TMEM44: variants seen among roughly 807,000 people sequenced by gnomAD.
The protein encoded by TMEM44 is transmembrane protein 44.
TMEM44 carries 43 observed loss-of-function variants against 47.8 expected under a neutral mutation model. The observed-to-expected ratio is 0.90, with a 90% CI of 0.70 to 1.16. The LOEUF is 1.16. Ranked by LOEUF, TMEM44 falls within the 50% of genes most tolerant of loss-of-function variation. TMEM44 has a pLI of 0.00. For missense variants in TMEM44, 568 were observed against 555.2 expected, an observed-to-expected ratio of 1.02 and a Z score of -0.23; for synonymous variants, 277 against 238.8, an observed-to-expected ratio of 1.16 and a Z score of -1.48.
At chr3:194,617,392 T>C (rs1017026569) in intron 5 of TMEM44, 123 bp from the exon 6 acceptor site, 3 of 1,135,278 alleles carry the variant, frequency 2.6e-6, no homozygotes, top group Admixed American at 6.0e-5. Flanking sequence ...AGGGCAATGC[T>C]TCTGTTAGAC....
Position 194,625,920 on chromosome 3 carries a change from C to G in TMEM44, c.335G>C (p.Gly112Ala). 3 of 1,613,760 alleles carry G rather than the reference C, an allele frequency of 1.9e-6. No individual in the cohort carries two copies. Among genetic ancestry groups the G allele is most frequent in the Non-Finnish European group, 2.5e-6 (3 of 1,179,734 alleles). The change falls in exon 3 of 10, where the codon GGA (glycine) becomes GCA (alanine). Residue 112 changes from glycine (G) to alanine (A), a missense_variant. Physicochemically the swap from Gly to Ala is moderately conservative, Grantham distance 60 (BLOSUM62 0). Transcript: ENST00000347147. ...NFMFILFPVC[G>A]SKFKSNSDRE... ...ACCTGAATTAGACTTGAATTTGGAT[C>G]CACAGACTGGGAAGAGAATGAACAT...
At chr3:194,603,357 G>T (rs925540595) in intron 9 of TMEM44, among the ~76,000 whole-genome samples, 1 of 152,200 alleles carries the variant, frequency 6.6e-6, no homozygotes, top group African/African-American at 2.4e-5. Flanking sequence ...GTGCTCCTCG[G>T]GGGGAGAAAA....
At chr3:194,628,223 T>C (rs1352737671) in intron 2 of TMEM44, among the ~76,000 whole-genome samples, 160 bp downstream of exon 2, 3 of 152,162 alleles carry the variant, frequency 2.0e-5, no homozygotes, top group African/African-American at 7.2e-5. Context: ...CAAGAGCCTC[T>C]GAGGGGGGCA....
At position 194,588,280 on chromosome 3, in the gene TMEM44, A is replaced by G. The variant is rs1712105470; in HGVS notation, c.*249T>C. The stretch of plus-strand genomic sequence containing the variant: ...TCCTTTGGATTATCTTTACGAAGCA[A>G]AAGCTTCTGTGAACTGTGATCTTCA... On this transcript the variant is annotated 3_prime_UTR_variant, in exon 10 of 10. Transcript: ENST00000347147. 2.1e-6 allele frequency: 1 copy of G among 470,036 alleles called. No individual in the cohort carries two copies. Among genetic ancestry groups the G allele is most frequent in the Non-Finnish European group, 3.8e-6 (1 of 265,744 alleles). 29.1% of individuals were successfully genotyped at this position (470,036 alleles called of 1,614,324 possible).
At chr3:194,592,142 C>G (rs961722543) in intron 9 of TMEM44, among the ~76,000 whole-genome samples, 1 of 150,914 alleles carries the variant, frequency 6.6e-6, no homozygotes, top group Admixed American at 6.6e-5. Context: ...GGCATGAACC[C>G]AGGAGGCGGA....
intron 7 of TMEM44, among the ~76,000 whole-genome samples, chr3:194,612,021 A>AAAATAAATAAATAAAT (rs10578893): frequency 5.5e-4 from 81 of 146,684 alleles, no homozygotes; most frequent in Middle Eastern, 6.8e-3. Context: ...CTCCGTCTCA[A>AAAATAAATAAATAAAT]AAATAAATAA....
At chr3:194,627,208 A>G (rs1390188591) in intron 2 of TMEM44, among the ~76,000 whole-genome samples, 1 of 152,182 alleles carries the variant, frequency 6.6e-6, no homozygotes, top group Non-Finnish European at 1.5e-5. Flanking sequence ...GCCCTATTGT[A>G]TTCTATTAGC....
At chr3:194,630,942 T>C (rs1422089553) in intron 1 of TMEM44, among the ~76,000 whole-genome samples, 9 of 127,096 alleles carry the variant, frequency 7.1e-5, no homozygotes, top group African/African-American at 1.2e-4. Flanking sequence ...ACATGCCTCC[T>C]GGAGGGGCTG....
At position 194,631,218 on chromosome 3, in the gene TMEM44, G is replaced by A. The variant is rs535613208; in HGVS notation, c.137+1861C>T. 1.1e-4 allele frequency among the ~76,000 whole-genome samples: 16 copies of A among 152,220 alleles called. No individual in the cohort carries two copies. In the East Asian group the frequency reaches 3.1e-3, roughly 29 times the overall value. ...GCCTCTGAAATATGTTGTCGTACCTGCCTTCCGAAGGGGCTGGCTGTTTCT... is the reference window on the plus strand; with the variant it reads ...GCCTCTGAAATATGTTGTCGTACCTACCTTCCGAAGGGGCTGGCTGTTTCT... On this transcript the variant is annotated intron_variant, in intron 1 of 9. Transcript: ENST00000347147.
intron 1 of TMEM44, among the ~76,000 whole-genome samples, chr3:194,629,897 G>A (rs1421868837): frequency 1.1e-4 from 9 of 84,148 alleles, no homozygotes; most frequent in African/African-American, 3.4e-4. Flanking sequence ...TTCCATCGGC[G>A]TCACTGATAG....
At chr3:194,604,603 C>A (rs1010751280) in intron 8 of TMEM44, among the ~76,000 whole-genome samples, 158 bp from the exon 9 acceptor site, 2 of 152,242 alleles carry the variant, frequency 1.3e-5, no homozygotes, top group African/African-American at 4.8e-5. Context: ...CAGCTCTCCC[C>A]AGGGCAGCCA....
At chr3:194,595,103 A>G (rs975247213) in intron 9 of TMEM44, among the ~76,000 whole-genome samples, 5 of 152,214 alleles carry the variant, frequency 3.3e-5, no homozygotes, top group Non-Finnish European at 2.9e-5. Flanking sequence ...CCAAAATTCT[A>G]TCCTTAGAAG....
At chr3:194,620,980 T>C (rs1432809343) in intron 5 of TMEM44, among the ~76,000 whole-genome samples, 3 of 150,250 alleles carry the variant, frequency 2.0e-5, no homozygotes, top group Non-Finnish European at 4.4e-5. Context: ...CAGCCGAGAT[T>C]GCATCATGCA....
At chr3:194,590,577 G>C (rs1267101607) in intron 9 of TMEM44, among the ~76,000 whole-genome samples, 1 of 152,210 alleles carries the variant, frequency 6.6e-6, no homozygotes, top group Non-Finnish European at 1.5e-5. Flanking sequence ...TGGTCAGTGT[G>C]CTCTTTGATG....
intron 5 of TMEM44, among the ~76,000 whole-genome samples, chr3:194,620,728 G>C (rs901775700): frequency 1.3e-5 from 2 of 151,984 alleles, no homozygotes. Context: ...GCCCCCAAAA[G>C]ATGTTGAAGT....
At chr3:194,607,492 G>A (rs934124142) in intron 8 of TMEM44, among the ~76,000 whole-genome samples, 1 of 152,042 alleles carries the variant, frequency 6.6e-6, no homozygotes, top group African/African-American at 2.4e-5. Context: ...TGTTTACTTG[G>A]TGTCATTATG....
At chr3:194,624,545 A>G (rs1388575391) in intron 3 of TMEM44, among the ~76,000 whole-genome samples, 1 of 151,908 alleles carries the variant, frequency 6.6e-6, no homozygotes. Flanking sequence ...CAGTCTCCCA[A>G]ACAGCTGGGA....
intron 8 of TMEM44, among the ~76,000 whole-genome samples, chr3:194,606,006 C>T (rs1445179602): frequency 6.6e-6 from 1 of 152,176 alleles, no homozygotes; most frequent in Non-Finnish European, 1.5e-5. Flanking sequence ...GGTGAGGGGC[C>T]ACCCTGCTTC....
chr3:194,631,663 T>A (rs571289081), intron 1 of TMEM44, among the ~76,000 whole-genome samples: 22 of 151,936 alleles, frequency 1.4e-4, no homozygotes, highest in Non-Finnish European at 3.2e-4. Context: ...AGAAGGTGAG[T>A]TAATGGTGGT....
Sources: allele counts gnomAD v4.1 joint callset (sites outside exome capture counted in the v4.1 genomes callset), GRCh38; gene constraint gnomAD v4.1.1; transcripts MANE v1.5; gene names NCBI Gene and HGNC (gene_info 2026-07-23, HGNC 2026-07-21).